NOX3: variants seen among roughly 807,000 people sequenced by gnomAD.
NOX3 encodes NADPH oxidase 3.
In NOX3, 74 loss-of-function variants were observed where a neutral mutation model predicts 76.7. The observed-to-expected ratio is 0.96, with a 90% CI of 0.80 to 1.17. The LOEUF (loss-of-function observed/expected upper bound fraction) is 1.17, where lower values mean the gene tolerates loss of function less well. Ranked by LOEUF, NOX3 falls within the 50% of genes most tolerant of loss-of-function variation. The pLI is 0.00. For synonymous variants in NOX3, 263 were observed against 261.1 expected, an observed-to-expected ratio of 1.01 and a Z score of -0.07; for missense variants, 695 against 703.3, an observed-to-expected ratio of 0.99 and a Z score of 0.13.
intron 12 of NOX3, among the ~76,000 whole-genome samples, chr6:155,403,098 T>C (rs879636744): frequency 5.1e-4 from 77 of 152,248 alleles, no homozygotes; most frequent in Non-Finnish European, 1.1e-3. Flanking sequence ...ATTGTGTGTT[T>C]CATTTACATC....
At chr6:155,396,044 C>T (rs1003984225) in intron 13 of NOX3, among the ~76,000 whole-genome samples, 4 of 152,250 alleles carry the variant, frequency 2.6e-5, no homozygotes, top group Non-Finnish European at 4.4e-5. Context: ...ACTAGTCACG[C>T]TTCTCAATGC....
At chr6:155,423,723 GTTCTT>G (rs1776720981) in intron 9 of NOX3, among the ~76,000 whole-genome samples, 1 of 149,500 alleles carries the variant, frequency 6.7e-6, no homozygotes. Context: ...TCCAGTTTCT[GTTCTT>G]TTCTTTTTCT....
At chr6:155,422,579 C>A in intron 10 of NOX3, 115 bp downstream of exon 10, 1 of 961,460 alleles carries the variant, frequency 1.0e-6, no homozygotes, top group African/African-American at 1.6e-5. Flanking sequence ...GTTAAGGATC[C>A]TTGAGTTTAT....
At chr6:155,402,937 C>T (rs1261797772) in intron 12 of NOX3, among the ~76,000 whole-genome samples, 5 of 152,182 alleles carry the variant, frequency 3.3e-5, no homozygotes. Flanking sequence ...GAGCTAACGA[C>T]AGGACAGAAC....
chr6:155,414,623 C>CTCT (rs1776600270), intron 10 of NOX3, among the ~76,000 whole-genome samples: 3 of 113,790 alleles, frequency 2.6e-5, no homozygotes, highest in African/African-American at 6.7e-5. Flanking sequence ...TCTTTTCTTT[C>CTCT]TTTTTTTTTT....
chr6:155,437,733 G>T (rs927055636), intron 6 of NOX3, among the ~76,000 whole-genome samples: 1 of 152,194 alleles, frequency 6.6e-6, no homozygotes, highest in Admixed American at 6.5e-5. Context: ...TCTAAAAGAA[G>T]CCTCATATCA....
At chr6:155,410,296 A>AGTGTGTGTGTGTGT (rs142349696) in intron 11 of NOX3, among the ~76,000 whole-genome samples, 293 of 149,458 alleles carry the variant, frequency 2.0e-3, no homozygotes, top group African/African-American at 5.7e-3. Flanking sequence ...CTATAAGGCC[A>AGTGTGTGTGTGTGT]GTGTGTGTGT....
chr6:155,424,158 T>C (rs2114690824), intron 9 of NOX3, among the ~76,000 whole-genome samples: 1 of 152,318 alleles, frequency 6.6e-6, no homozygotes, highest in South Asian at 2.1e-4. Flanking sequence ...TTAGGTTAAA[T>C]CCCCTCTTAT....
chr6:155,440,360 G>A (rs58024020), intron 5 of NOX3, among the ~76,000 whole-genome samples: 14,869 of 151,832 alleles, frequency 0.098, 1,333 homozygotes, highest in East Asian at 0.5. Flanking sequence ...ACCAGCTTAC[G>A]GTGGTTACTT....
chr6:155,430,791 A>C lies in NOX3; in HGVS notation c.891+52T>G. 6.8e-6 allele frequency: 9 copies of C among 1,323,742 alleles called. No homozygotes were observed. The South Asian group carries it at 1.0e-4, about 15-fold the overall frequency. 82.0% of individuals were successfully genotyped at this position (1,323,742 alleles called of 1,614,324 possible). A position where few individuals can be genotyped will look rare whatever the true frequency, so the allele number is the denominator to read the frequency against. The stretch of plus-strand genomic sequence containing the variant: ...CAAATTAAAAATTTGGGCTAATAAA[A>C]AATTTTCATCTACACTCAGGCTTTT... On this transcript the variant is annotated intron_variant, in intron 8 of 13. Coordinates refer to ENST00000159060, the MANE Select transcript of NOX3 (RefSeq NM_015718.3).
intron 9 of NOX3, among the ~76,000 whole-genome samples, chr6:155,423,861 C>T (rs1776723790): frequency 6.6e-6 from 1 of 151,954 alleles, no homozygotes; most frequent in African/African-American, 2.4e-5. Context: ...CTGACTCAGC[C>T]TCCCAAGTAG....
chr6:155,413,519 G>C (rs886069538), intron 10 of NOX3, among the ~76,000 whole-genome samples: 1 of 152,036 alleles, frequency 6.6e-6, no homozygotes. Context: ...TATGGAGGGT[G>C]GGGGAGGAGG....
intron 4 of NOX3, 123 bp from the exon 5 acceptor site, chr6:155,443,541 GT>G (rs1361769336): frequency 8.4e-7 from 1 of 1,184,124 alleles, no homozygotes; most frequent in African/African-American, 1.5e-5. Flanking sequence ...CCAAGGAAAA[GT>G]GATGTATTTA....
At position 155,429,054 on chromosome 6, in the gene NOX3, G is replaced by C; in HGVS notation, c.892-7C>G. 3 of 1,546,190 alleles carry C rather than the reference G, an allele frequency of 1.9e-6. No individual in the cohort carries two copies. The highest frequency in any genetic ancestry group is 2.6e-6 in the Non-Finnish European group (3 of 1,139,684). On this transcript the variant is annotated splice_region_variant and splice_polypyrimidine_tract_variant and intron_variant, in intron 8 of 13. Transcript: ENST00000159060. ...CAGAGGGGTGGCTTACCACCTATGT[G>C]AGAGTGAGAGAGTTGTTTGCCTTTG...
chr6:155,443,267 A>T lies in NOX3; in HGVS notation c.486+6T>A, dbSNP rs757824228. On this transcript the variant is annotated splice_donor_region_variant and intron_variant, in intron 5 of 13. Transcript: ENST00000159060. ...GGGAGAAGCTTGTTAGCATGCAGGA[A>T]CTCACTGTGGGGAAGGTCCGGACAG... 2 of 1,610,776 alleles carry T rather than the reference A, an allele frequency of 1.2e-6. No homozygotes were observed. Among genetic ancestry groups the T allele is most frequent in the Non-Finnish European group, 1.7e-6 (2 of 1,177,996 alleles).
At chr6:155,455,709 T>G in intron 1 of NOX3, 44 bp downstream of exon 1, 1 of 1,482,888 alleles carries the variant, frequency 6.7e-7, no homozygotes, top group Non-Finnish European at 9.4e-7. Flanking sequence ...TCAAAGACTA[T>G]TCAATCTATA....
chr6:155,417,427 T>C (rs527442021), intron 10 of NOX3, among the ~76,000 whole-genome samples: 1 of 152,324 alleles, frequency 6.6e-6, no homozygotes, highest in South Asian at 2.1e-4. Context: ...AAGAAGACTG[T>C]AGTCACGCAA....
intron 10 of NOX3, among the ~76,000 whole-genome samples, chr6:155,414,426 G>A (rs1776597041): frequency 6.6e-6 from 1 of 152,062 alleles, no homozygotes; most frequent in South Asian, 2.1e-4. Flanking sequence ...CCTGAAATCA[G>A]CTACCTGTAG....
intron 5 of NOX3, among the ~76,000 whole-genome samples, chr6:155,442,702 G>T (rs1215709991): frequency 6.6e-6 from 1 of 152,212 alleles, no homozygotes; most frequent in Non-Finnish European, 1.5e-5. Flanking sequence ...CCCCATAGCT[G>T]CTGACAGTCT....
Sources: gnomAD v4.1 joint callset for allele counts (sites outside exome capture counted in the v4.1 genomes callset) on GRCh38, gnomAD v4.1.1 for gene constraint, MANE v1.5 for transcripts, NCBI Gene and HGNC (gene_info 2026-07-23, HGNC 2026-07-21) for gene names.